The following BRD4 variants were observed in gnomAD, a reference collection of about 807,000 sequenced individuals.
The protein encoded by BRD4 is bromodomain containing 4.
A neutral mutation model predicts 142.1 loss-of-function variants in BRD4; 16 were observed. The ratio of observed to expected loss-of-function variants is 0.11; its 90% confidence interval spans 0.08 to 0.17. The LOEUF (loss-of-function observed/expected upper bound fraction) is 0.17. Among genes scored for constraint, BRD4 ranks in the 10% least tolerant of loss-of-function variants. The pLI, the probability that BRD4 is intolerant of heterozygous loss-of-function variation, is 1.00. For synonymous variants in BRD4, 833 were observed against 707.5 expected, an observed-to-expected ratio of 1.18 and a Z score of -2.82; for missense variants, 1,424 against 1,810.9, an observed-to-expected ratio of 0.79 and a Z score of 3.88.
intron 14 of BRD4, among the ~76,000 whole-genome samples, chr19:15,240,847 G>A (rs1405590160): frequency 5.3e-5 from 8 of 152,164 alleles, no homozygotes; most frequent in Non-Finnish European, 8.8e-5. Flanking sequence ...GCTGCAGCTC[G>A]GGACAAGCCA....
Position 15,273,087 on chromosome 19 carries a change from T to C in BRD4, c.13A>G (p.Ser5Gly). 6.3e-7 allele frequency: 1 copy of C among 1,596,464 alleles called. No homozygotes were observed. The highest frequency in any genetic ancestry group is 8.5e-7 in the Non-Finnish European group (1 of 1,170,014). Reference sequence around the variant, plus strand: ...TTTCTCAATCTCGTCCCAGGGCCGCTCTCCGCAGACATGCTAGTGATCCCA... The same window carrying C: ...TTTCTCAATCTCGTCCCAGGGCCGCCCTCCGCAGACATGCTAGTGATCCCA... MSAE[S>G]GPGTRLRNLP... Residue 5 changes from serine (S) to glycine (G), a missense_variant, in exon 2 of 20, where the codon AGC (serine) becomes GGC (glycine). Around this residue, in one of 16 missense-constraint regions of BRD4, gnomAD observed 70 missense variants for 69.8 expected, o/e 1.00. Transcript: ENST00000679869.
intron 1 of BRD4, among the ~76,000 whole-genome samples, chr19:15,302,910 A>G (rs2047882943): frequency 1.3e-5 from 2 of 148,702 alleles, no homozygotes; most frequent in South Asian, 2.1e-4. Flanking sequence ...TGAGAGGCCG[A>G]GGCAGGAGAA....
intron 11 of BRD4, chr19:15,247,993 G>A (rs2047306216): frequency 4.5e-6 from 1 of 221,826 alleles, no homozygotes; most frequent in African/African-American, 2.2e-5. Context: ...AGGCAGGTGG[G>A]GAGCCTGCAC....
Position 15,323,178 on chromosome 19 carries a change from T to TAAAAAAAAAAAAA in BRD4, c.-35+9099_-35+9111dup, listed in dbSNP as rs1017018376. On this transcript the variant is annotated intron_variant, in intron 1 of 19. Coordinates refer to ENST00000679869, the MANE Select transcript of BRD4 (RefSeq NM_001379291.1). Reference sequence around the variant, plus strand: ...GCAACACAGCAAGACTCCATCTCTTTAAAAAAAAAAAAAAAAAAAAAAAAA... The same window carrying TAAAAAAAAAAAAA: ...GCAACACAGCAAGACTCCATCTCTTTAAAAAAAAAAAAAAAAAAAAAAAAAAAAAAAAAAAAAA... Among the ~76,000 whole-genome samples the TAAAAAAAAAAAAA allele has an allele frequency of 7.5e-4, 55 of 73,068 alleles. 6 individuals carry two copies. Among genetic ancestry groups the TAAAAAAAAAAAAA allele is most frequent in the South Asian group, 3.8e-3 (6 of 1,568 alleles). The allele number at this position is 73,068 out of a possible 152,430, so 47.9% of individuals were successfully genotyped here.
chr19:15,260,881 G>A (rs1318807924), intron 7 of BRD4, among the ~76,000 whole-genome samples: 1 of 151,882 alleles, frequency 6.6e-6, no homozygotes, highest in African/African-American at 2.4e-5. Flanking sequence ...CAGGGTGTCA[G>A]GAGAGGACAG....
At chr19:15,305,391 G>T (rs1425336674) in intron 1 of BRD4, among the ~76,000 whole-genome samples, 1 of 152,142 alleles carries the variant, frequency 6.6e-6, no homozygotes, top group African/African-American at 2.4e-5. Context: ...ACTGATCCAT[G>T]GGCTGCTGTA....
intron 1 of BRD4, among the ~76,000 whole-genome samples, chr19:15,331,040 G>A (rs889769962): frequency 3.3e-5 from 5 of 152,022 alleles, no homozygotes; most frequent in African/African-American, 4.8e-5. Flanking sequence ...TCCAATTCTC[G>A]TGAGGCATAC....
At chr19:15,244,890 G>T (rs909819333) in intron 11 of BRD4, 128 bp from the exon 12 acceptor site, 2 of 1,502,784 alleles carry the variant, frequency 1.3e-6, no homozygotes, top group African/African-American at 1.4e-5. Flanking sequence ...AAGGGCAGCC[G>T]AGTTCAATGA....
At chr19:15,321,327 T>C (rs529734854) in intron 1 of BRD4, among the ~76,000 whole-genome samples, 4 of 149,846 alleles carry the variant, frequency 2.7e-5, no homozygotes, top group Admixed American at 6.7e-5. Flanking sequence ...ACTCTGTCCA[T>C]TGGACAAAGC....
intron 1 of BRD4, among the ~76,000 whole-genome samples, chr19:15,312,048 A>T (rs141339920): frequency 9.2e-5 from 14 of 152,360 alleles, no homozygotes; most frequent in South Asian, 2.1e-4. Context: ...AGGATGTTGC[A>T]TTTTATGTTT....
rs757230628 is a variant in BRD4, at chr19:15,254,261, A to G, written c.2049T>C (p.Ala683=). The change falls in exon 11 of 20, where the codon GCT becomes GCC. Residue 683 remains alanine (A), a splice_region_variant and synonymous_variant. Coordinates refer to ENST00000679869, the MANE Select transcript of BRD4 (RefSeq NM_001379291.1). Reference sequence around the variant, plus strand: ...AGCCGGCAATCACATCAACTTTCTCAGCTGCAATCCAAGCAATGGGAGCTG... The same window carrying G: ...AGCCGGCAATCACATCAACTTTCTCGGCTGCAATCCAAGCAATGGGAGCTG... The part of the protein sequence containing the change: ...SCLRKKRKPQ[A]EKVDVIAGSS... 6.2e-7 allele frequency: 1 copy of G among 1,613,560 alleles called. No homozygotes were observed. The highest frequency in any genetic ancestry group is 8.5e-7 in the Non-Finnish European group (1 of 1,179,520).
chr19:15,311,224 G>A (rs756954029), intron 1 of BRD4, among the ~76,000 whole-genome samples: 4 of 151,978 alleles, frequency 2.6e-5, no homozygotes, highest in African/African-American at 7.2e-5. Context: ...CACAGGAGGC[G>A]GAGGTTGCGG....
intron 1 of BRD4, among the ~76,000 whole-genome samples, chr19:15,316,427 T>C (rs2048018942): frequency 6.6e-6 from 1 of 151,626 alleles, no homozygotes; most frequent in Admixed American, 6.6e-5. Flanking sequence ...CTGTCTCTAA[T>C]AAAAATACAA....
At chr19:15,240,160 C>T in intron 14 of BRD4, 138 bp from the exon 15 acceptor site, 2 of 1,345,332 alleles carry the variant, frequency 1.5e-6, no homozygotes, top group South Asian at 3.0e-5. Context: ...GTCCATTAGC[C>T]CAGCTCAAAA....
At chr19:15,265,164 T>C (rs1419262541) in intron 5 of BRD4, among the ~76,000 whole-genome samples, 190 bp downstream of exon 5, 1 of 152,042 alleles carries the variant, frequency 6.6e-6, no homozygotes, top group Admixed American at 6.5e-5. Flanking sequence ...CACTAGGAGG[T>C]GTGACACAAT....
intron 13 of BRD4, 42 bp downstream of exon 13, chr19:15,244,189 A>C: frequency 1.3e-6 from 2 of 1,537,992 alleles, no homozygotes; most frequent in Non-Finnish European, 1.7e-6. Flanking sequence ...AAACCGAGGC[A>C]GGAAGGGGTC....
In BRD4 at chr19:15,287,538, T is replaced by C. The variant is rs1300128436; in HGVS notation, c.-34-14405A>G. On this transcript the variant is annotated intron_variant, in intron 1 of 19. Transcript: ENST00000679869. The stretch of plus-strand genomic sequence containing the variant: ...GGGACTACAGATGAGCCACCACAAC[T>C]GGGCGTTTCAGAACGCTTTCACCTT... Among the ~76,000 whole-genome samples, 5 of 152,148 alleles carry C rather than the reference T, an allele frequency of 3.3e-5. No homozygotes were observed. In the South Asian group the frequency reaches 8.3e-4, roughly 25 times the overall value.
In BRD4 at chr19:15,238,284, C is replaced by T; in HGVS notation, c.*93G>A. On this transcript the variant is annotated 3_prime_UTR_variant, in exon 20 of 20. Transcript: ENST00000679869. This position sits in a 1 kb window ranked among gnomAD's most constrained non-coding sequence, Gnocchi z 7.2. ...GGAGGGCCAGGCCCTGAGGCATCCC[C>T]TGGCCGCTGATCCCACCTCCACCAC... 1 of 1,577,260 alleles carries T rather than the reference C, an allele frequency of 6.3e-7. No individual in the cohort carries two copies.
chr19:15,300,935 A>T (rs2047861944), intron 1 of BRD4, among the ~76,000 whole-genome samples: 1 of 152,370 alleles, frequency 6.6e-6, no homozygotes, highest in South Asian at 2.1e-4. Context: ...GCAGGTCTTT[A>T]ACCAAAAGAA....
Sources: gnomAD v4.1 joint callset for allele counts (sites outside exome capture counted in the v4.1 genomes callset) on GRCh38, gnomAD v4.1.1 for gene constraint, gnomAD v4.1.1 regional missense constraint, Gnocchi (gnomAD v3.1) non-coding constraint, MANE v1.5 for transcripts, NCBI Gene and HGNC (gene_info 2026-07-23, HGNC 2026-07-21) for gene names.